The following RUNX1T1 variants were observed in gnomAD, a reference collection of about 807,000 sequenced individuals.
RUNX1T1 encodes protein CBFA2T1.
Under a neutral mutation model 62.8 loss-of-function variants are expected in RUNX1T1, and 4 were observed. That is an observed-to-expected ratio of 0.06 (90% confidence interval 0.03 to 0.15). The LOEUF is 0.15. Among genes scored for constraint, RUNX1T1 ranks in the 10% least tolerant of loss-of-function variants. The pLI is 1.00. For missense variants in RUNX1T1, 508 were observed against 754.3 expected, an observed-to-expected ratio of 0.67 and a Z score of 3.82; for synonymous variants, 291 against 286.0, an observed-to-expected ratio of 1.02 and a Z score of -0.18.
intron 9 of RUNX1T1, among the ~76,000 whole-genome samples, chr8:91,973,357 A>AC (rs1278098557): frequency 6.6e-6 from 1 of 151,464 alleles, no homozygotes; most frequent in African/African-American, 2.4e-5. Flanking sequence ...AATTTTTTGT[A>AC]CTTTTTTTTT....
intron 1 of RUNX1T1, among the ~76,000 whole-genome samples, chr8:92,090,751 A>G (rs530213127): frequency 2.0e-5 from 3 of 152,344 alleles, no homozygotes; most frequent in Non-Finnish European, 2.9e-5. Context: ...GGCACAAAGT[A>G]AGTCATTAAT....
chr8:92,047,044 G>C, intron 1 of RUNX1T1, among the ~76,000 whole-genome samples: 1 of 152,160 alleles, frequency 6.6e-6, no homozygotes, highest in South Asian at 2.1e-4. Context: ...TGGGCAGCGG[G>C]TATGTGGGAT....
chr8:92,048,406 T>C (rs1279897856), intron 1 of RUNX1T1, among the ~76,000 whole-genome samples: 6 of 152,130 alleles, frequency 3.9e-5, no homozygotes, highest in African/African-American at 1.4e-4. Flanking sequence ...TGGCGGGGTA[T>C]GGTGGCTCAT....
chr8:92,013,512 A>T (rs908797712), intron 3 of RUNX1T1, among the ~76,000 whole-genome samples: 1 of 152,230 alleles, frequency 6.6e-6, no homozygotes, highest in African/African-American at 2.4e-5. Context: ...TGATAGGTCC[A>T]TATAATAAAA....
intron 2 of RUNX1T1, among the ~76,000 whole-genome samples, chr8:92,068,653 C>T (rs1402340552): frequency 6.6e-6 from 1 of 152,232 alleles, no homozygotes; most frequent in African/African-American, 2.4e-5. Flanking sequence ...CATATGGAGA[C>T]ACTGTTTTCA....
At chr8:91,985,268 T>G (rs1209103158) in intron 8 of RUNX1T1, among the ~76,000 whole-genome samples, 1 of 152,190 alleles carries the variant, frequency 6.6e-6, no homozygotes, top group Non-Finnish European at 1.5e-5. Flanking sequence ...TGGGTGGCAA[T>G]GTCAATGACA....
intron 10 of RUNX1T1, among the ~76,000 whole-genome samples, chr8:91,963,445 C>T (rs1810953468): frequency 6.6e-6 from 1 of 151,800 alleles, no homozygotes; most frequent in Non-Finnish European, 1.5e-5. Context: ...CTCCAATGCG[C>T]ATATTCATTC....
chr8:92,095,054 A>G, intron 1 of RUNX1T1: 18 of 1,535,628 alleles, frequency 1.2e-5, no homozygotes, highest in Non-Finnish European at 1.6e-5. Context: ...TGGATAGCAG[A>G]GGTGATGGGA....
chr8:91,986,389 G>T, intron 7 of RUNX1T1, 64 bp from the exon 9 acceptor site: 1 of 1,302,358 alleles, frequency 7.7e-7, no homozygotes, highest in Non-Finnish European at 1.1e-6. Flanking sequence ...ATTTTGCTGA[G>T]TAGTGAAACA....
intron 1 of RUNX1T1, among the ~76,000 whole-genome samples, chr8:92,059,764 G>C (rs1270432872): frequency 6.6e-6 from 1 of 152,158 alleles, no homozygotes; most frequent in African/African-American, 2.4e-5. Flanking sequence ...TTTATGAAAT[G>C]CACTCCAGGA....
chr8:92,053,141 T>G (rs1404144934), intron 1 of RUNX1T1, among the ~76,000 whole-genome samples: 1 of 152,032 alleles, frequency 6.6e-6, no homozygotes, highest in Non-Finnish European at 1.5e-5. Context: ...TTCAAATTTT[T>G]AAAGAAAATA....
At chr8:92,041,027 T>C (rs778911794) in intron 1 of RUNX1T1, among the ~76,000 whole-genome samples, 9 of 152,178 alleles carry the variant, frequency 5.9e-5, no homozygotes, top group Non-Finnish European at 1.0e-4. Flanking sequence ...ATTATCTTAA[T>C]AGCAGTTAAT....
intron 5 of RUNX1T1, among the ~76,000 whole-genome samples, chr8:91,992,745 G>A (rs1817920168): frequency 6.6e-6 from 1 of 152,024 alleles, no homozygotes; most frequent in Admixed American, 6.6e-5. Flanking sequence ...TCCTGTCTGG[G>A]GTTATCAGGT....
intron 5 of RUNX1T1, among the ~76,000 whole-genome samples, chr8:91,994,083 A>G (rs553830634): frequency 1.4e-4 from 21 of 152,284 alleles, no homozygotes; most frequent in Admixed American, 1.3e-3. Context: ...AGAGGGATGC[A>G]CTATTCTGAA....
chr8:92,011,505 C>T (rs140264359), intron 3 of RUNX1T1, among the ~76,000 whole-genome samples: 117 of 152,308 alleles, frequency 7.7e-4, no homozygotes, highest in African/African-American at 2.7e-3. Flanking sequence ...ATTTATCCCA[C>T]GTGTCACATC....
chr8:92,017,361 G>C (rs756333150), exon 2 of RUNX1T1: 3 of 1,613,714 alleles, frequency 1.9e-6, no homozygotes, highest in Non-Finnish European at 2.5e-6. Flanking sequence ...TTCTCAGTAC[G>C]ATCTGGAGGA....
chr8:92,045,732 C>T (rs1829275616), intron 1 of RUNX1T1, among the ~76,000 whole-genome samples: 1 of 152,168 alleles, frequency 6.6e-6, no homozygotes, highest in African/African-American at 2.4e-5. Flanking sequence ...TCCCCTACTA[C>T]ACTTAAGTTC....
chr8:92,021,629 A>G (rs139501820), intron 1 of RUNX1T1, among the ~76,000 whole-genome samples: 7 of 152,262 alleles, frequency 4.6e-5, no homozygotes, highest in African/African-American at 1.4e-4. Context: ...CAAGCAAGTT[A>G]GTTTTCCCGA....
intron 1 of RUNX1T1, among the ~76,000 whole-genome samples, chr8:92,054,592 T>C (rs1450006005): frequency 6.6e-6 from 1 of 152,178 alleles, no homozygotes; most frequent in African/African-American, 2.4e-5. Flanking sequence ...GAGCACTGAT[T>C]CACAATCAGG....
Sources: allele counts gnomAD v4.1 joint callset (sites outside exome capture counted in the v4.1 genomes callset), GRCh38; gene constraint gnomAD v4.1.1; transcripts MANE v1.5; gene names NCBI Gene and HGNC (gene_info 2026-07-23, HGNC 2026-07-21).